The following SLC44A5 variants were observed in gnomAD, a reference collection of about 807,000 sequenced individuals.
SLC44A5 encodes solute carrier family 44 member 5, also known as choline transporter-like protein 5.
SLC44A5 carries 57 observed loss-of-function variants against 101.8 expected under a neutral mutation model. The observed-to-expected ratio is 0.56, with a 90% confidence interval of 0.45 to 0.70. The LOEUF (loss-of-function observed/expected upper bound fraction) is 0.70, where lower values mean the gene tolerates loss of function less well. Ranked by LOEUF, SLC44A5 falls within the 30% of genes least tolerant of loss-of-function variation. The probability of loss-of-function intolerance (pLI) is 0.00; values close to 1 mark genes in which losing one functional copy is unlikely to be tolerated. For missense variants in SLC44A5, 737 were observed against 853.1 expected (o/e 0.86, Z 1.70); for synonymous variants, 281 against 290.9 (o/e 0.97, Z 0.35).
chr1:75,365,932 G>A (rs911399981), intron 3 of SLC44A5, among the ~76,000 whole-genome samples: 6 of 152,002 alleles, frequency 3.9e-5, no homozygotes, highest in South Asian at 2.1e-4. Flanking sequence ...ACTCTCACCT[G>A]TATGCTATTG....
chr1:75,665,723 T>C, the SLC44A5 span, among the ~76,000 whole-genome samples: 1 of 152,126 alleles, frequency 6.6e-6, no homozygotes, highest in Non-Finnish European at 1.5e-5. Context: ...ATCCTAGAAC[T>C]ATGCATTCTA....
At chr1:75,230,250 T>G (rs1034180217) in intron 12 of SLC44A5, among the ~76,000 whole-genome samples, 1 of 114,952 alleles carries the variant, frequency 8.7e-6, no homozygotes, top group Non-Finnish European at 2.0e-5. Flanking sequence ...ATGAATGAAT[T>G]CACTTTTTTT....
intron 1 of SLC44A5, among the ~76,000 whole-genome samples, chr1:75,583,710 C>T (rs1673831735): frequency 6.6e-6 from 1 of 152,152 alleles, no homozygotes; most frequent in Non-Finnish European, 1.5e-5. Context: ...AAGGGAAACC[C>T]CACTAATTTT....
At chr1:75,215,010 G>T (rs1646933662) in intron 19 of SLC44A5, among the ~76,000 whole-genome samples, 1 of 152,108 alleles carries the variant, frequency 6.6e-6, no homozygotes, top group East Asian at 1.9e-4. Flanking sequence ...TGCTAAAAAG[G>T]TTAAATATTG....
At chr1:75,718,735 G>A in the SLC44A5 span, among the ~76,000 whole-genome samples, 22 of 152,288 alleles carry the variant, frequency 1.4e-4, no homozygotes, top group African/African-American at 5.1e-4. Context: ...TAACCTAAGA[G>A]TTGCTTGGCT....
At chr1:75,428,749 G>T (rs2101587995) in intron 2 of SLC44A5, among the ~76,000 whole-genome samples, 1 of 152,192 alleles carries the variant, frequency 6.6e-6, no homozygotes, top group East Asian at 1.9e-4. Context: ...ATTTTACTTT[G>T]GCTTATACTC....
chr1:75,306,592 G>C (rs934145873), intron 4 of SLC44A5, among the ~76,000 whole-genome samples: 8 of 151,892 alleles, frequency 5.3e-5, no homozygotes, highest in African/African-American at 1.7e-4. Context: ...TTAATTTAGA[G>C]GTAATAAGAG....
At chr1:75,652,911 T>C in the SLC44A5 span, among the ~76,000 whole-genome samples, 1 of 152,344 alleles carries the variant, frequency 6.6e-6, no homozygotes, top group Non-Finnish European at 1.5e-5. Context: ...CTGACTCTCC[T>C]TATATTCCCC....
chr1:75,608,640 C>A (rs1675467844), intron 1 of SLC44A5, among the ~76,000 whole-genome samples: 1 of 152,080 alleles, frequency 6.6e-6, no homozygotes, highest in East Asian at 1.9e-4. Context: ...TTTCTGACTT[C>A]ATTTTCTATT....
At position 75,305,828 on chromosome 1, in the gene SLC44A5, G is replaced by A. The variant is rs531450439; in HGVS notation, c.102-5143C>T. Among the ~76,000 whole-genome samples, 4 of 152,288 alleles carry A rather than the reference G, an allele frequency of 2.6e-5. No individual in the cohort carries two copies. In the South Asian group the frequency reaches 6.2e-4, roughly 24 times the overall value. On this transcript the variant is annotated intron_variant, in intron 4 of 23. Coordinates refer to ENST00000370859, the MANE Select transcript of SLC44A5 (RefSeq NM_001130058.2). ...TCCTATCCTTCAAGTCAGCTGAAAT[G>A]TCACCTCCTTCTTGAAGTTTTCAAC...
the SLC44A5 span, among the ~76,000 whole-genome samples, chr1:75,675,864 A>G: frequency 6.6e-6 from 1 of 152,316 alleles, no homozygotes; most frequent in Middle Eastern, 3.4e-3. Flanking sequence ...GTAAGAAAAA[A>G]CAACCCCATT....
At chr1:75,324,779 C>T (rs1656446346) in intron 4 of SLC44A5, among the ~76,000 whole-genome samples, 2 of 152,130 alleles carry the variant, frequency 1.3e-5, no homozygotes, top group African/African-American at 4.8e-5. Flanking sequence ...TTCCAGGTGA[C>T]ATTTGTTTTA....
the SLC44A5 span, among the ~76,000 whole-genome samples, chr1:75,674,816 A>G: frequency 6.6e-6 from 1 of 152,146 alleles, no homozygotes; most frequent in African/African-American, 2.4e-5. Context: ...TTCAATTTTA[A>G]TTTTCTGCAT....
the SLC44A5 span, among the ~76,000 whole-genome samples, chr1:75,684,006 A>G: frequency 6.6e-6 from 1 of 152,222 alleles, no homozygotes; most frequent in Non-Finnish European, 1.5e-5. Flanking sequence ...TATAAAGGAA[A>G]GAGGTTTAAT....
intron 2 of SLC44A5, among the ~76,000 whole-genome samples, chr1:75,466,366 G>C (rs1666814633): frequency 6.6e-6 from 1 of 152,050 alleles, no homozygotes; most frequent in Non-Finnish European, 1.5e-5. Context: ...GAAATAGAAA[G>C]AACACACTGG....
the SLC44A5 span, among the ~76,000 whole-genome samples, chr1:75,672,372 ACT>A: frequency 3.3e-5 from 5 of 152,086 alleles, no homozygotes; most frequent in East Asian, 9.6e-4. Flanking sequence ...AAGGGGCAAA[ACT>A]CAGCCTGGGC....
At chr1:75,272,693 G>A (rs4949838) in intron 6 of SLC44A5, among the ~76,000 whole-genome samples, 15,422 of 151,908 alleles carry the variant, frequency 0.1, 1,024 homozygotes, top group Middle Eastern at 0.16. Context: ...AGATCAGTTG[G>A]GTGTTAAGTA....
chr1:75,526,796 T>C (rs1032680537), intron 2 of SLC44A5, among the ~76,000 whole-genome samples: 9 of 152,118 alleles, frequency 5.9e-5, no homozygotes, highest in South Asian at 2.1e-4. Context: ...CTTCCAAATC[T>C]CTACTTAACA....
chr1:75,608,447 T>C (rs1263099919), intron 1 of SLC44A5, among the ~76,000 whole-genome samples: 2 of 151,946 alleles, frequency 1.3e-5, no homozygotes, highest in Admixed American at 6.6e-5. Context: ...TTCTAGTTTC[T>C]CATTACCCCT....
Sources: gnomAD v4.1 joint callset for allele counts (sites outside exome capture counted in the v4.1 genomes callset) on GRCh38, gnomAD v4.1.1 for gene constraint, MANE v1.5 for transcripts, NCBI Gene and HGNC (gene_info 2026-07-23, HGNC 2026-07-21) for gene names.